The following LOC128462377 variants were observed in gnomAD, a reference collection of about 807,000 sequenced individuals.
the LOC128462377 span, among the ~76,000 whole-genome samples, chr16:89,341,750 T>A: frequency 6.6e-6 from 1 of 152,252 alleles, no homozygotes; most frequent in Non-Finnish European, 1.5e-5. Context: ...GGGTTAACTC[T>A]CTCTGCACAA....
the LOC128462377 span, among the ~76,000 whole-genome samples, chr16:89,334,144 T>TAAAAAAAAAAAAAAAAA: frequency 2.2e-4 from 9 of 41,414 alleles, 2 homozygotes; most frequent in South Asian, 9.5e-4. Context: ...CCCTGTGTTT[T>TAAAAAAAAAAAAAAAAA]AAAAAAAAAA....
chr16:89,324,129 C>A, the LOC128462377 span: 2 of 818,466 alleles, frequency 2.4e-6, no homozygotes, highest in Non-Finnish European at 3.2e-6. Context: ...CACGGCACAA[C>A]GCTCTCTACT....
the LOC128462377 span, among the ~76,000 whole-genome samples, chr16:89,414,475 T>A: frequency 6.6e-6 from 1 of 152,330 alleles, no homozygotes; most frequent in Admixed American, 6.5e-5. Context: ...AAGAAAGATG[T>A]CAGCTTCAAC....
the LOC128462377 span, among the ~76,000 whole-genome samples, chr16:89,403,227 C>T: frequency 6.6e-6 from 1 of 152,324 alleles, no homozygotes; most frequent in Admixed American, 6.5e-5. Flanking sequence ...TTCTGCTTTA[C>T]GGGCACTGAC....
chr16:89,409,618 A>G, the LOC128462377 span, among the ~76,000 whole-genome samples: 10 of 152,228 alleles, frequency 6.6e-5, no homozygotes, highest in African/African-American at 1.9e-4. Flanking sequence ...GTTCCAGGCC[A>G]GTCTGAGCAA....
At chr16:89,323,000 T>A in the LOC128462377 span, 1 of 299,370 alleles carries the variant, frequency 3.3e-6, no homozygotes, top group South Asian at 2.7e-5. Context: ...CGTGGCACCA[T>A]GCCCGGCTAA....
chr16:89,326,378 G>GC, the LOC128462377 span, among the ~76,000 whole-genome samples: 36 of 151,192 alleles, frequency 2.4e-4, no homozygotes, highest in Middle Eastern at 3.4e-3. Flanking sequence ...CGCAGCCACC[G>GC]CCCCCCCCAC....
the LOC128462377 span, among the ~76,000 whole-genome samples, chr16:89,332,379 CTG>C: frequency 6.6e-6 from 1 of 152,234 alleles, no homozygotes; most frequent in Non-Finnish European, 1.5e-5. Flanking sequence ...GAAAGAAACA[CTG>C]AGCCCCCCAA....
chr16:89,404,312 G>A, the LOC128462377 span, among the ~76,000 whole-genome samples: 1 of 152,126 alleles, frequency 6.6e-6, no homozygotes, highest in Non-Finnish European at 1.5e-5. Context: ...ATCAACATCT[G>A]TGTAACTAAG....
the LOC128462377 span, among the ~76,000 whole-genome samples, chr16:89,414,866 A>G: frequency 0.49 from 74,532 of 152,180 alleles, 19,226 homozygotes; most frequent in Middle Eastern, 0.71. Flanking sequence ...AACGGCTCAC[A>G]TTCCACCCCA....
the LOC128462377 span, among the ~76,000 whole-genome samples, chr16:89,338,076 T>G: frequency 6.6e-6 from 1 of 152,286 alleles, no homozygotes; most frequent in African/African-American, 2.4e-5. Flanking sequence ...GCTCTGCCAC[T>G]CAGGAGCCCC....
the LOC128462377 span, among the ~76,000 whole-genome samples, chr16:89,329,810 A>T: frequency 6.6e-6 from 1 of 152,092 alleles, no homozygotes; most frequent in Non-Finnish European, 1.5e-5. Flanking sequence ...GGAGTTCGAA[A>T]CCAGCCTGGC....
the LOC128462377 span, chr16:89,319,931 C>G: frequency 6.6e-6 from 1 of 152,536 alleles, no homozygotes; most frequent in Non-Finnish European, 1.5e-5. Flanking sequence ...GGCCCCCACA[C>G]TGCCCTGTGT....
chr16:89,379,760 T>C, the LOC128462377 span, among the ~76,000 whole-genome samples: 1 of 152,258 alleles, frequency 6.6e-6, no homozygotes, highest in Admixed American at 6.5e-5. Context: ...CACAAAGAAC[T>C]TGGACTGAGT....
chr16:89,355,273 G>A, the LOC128462377 span, among the ~76,000 whole-genome samples: 1 of 151,314 alleles, frequency 6.6e-6, no homozygotes, highest in Non-Finnish European at 1.5e-5. Context: ...GGCGGGCAGA[G>A]GGCTCACACC....
At chr16:89,323,036 T>G in the LOC128462377 span, 1 of 301,000 alleles carries the variant, frequency 3.3e-6, no homozygotes. Flanking sequence ...TGGAGTCGGG[T>G]TTCGCCATGC....
At chr16:89,335,334 A>G in the LOC128462377 span, among the ~76,000 whole-genome samples, 1 of 152,182 alleles carries the variant, frequency 6.6e-6, no homozygotes, top group African/African-American at 2.4e-5. Flanking sequence ...AGTTCCTTCC[A>G]GCACAGGAAC....
chr16:89,380,928 C>A, the LOC128462377 span, among the ~76,000 whole-genome samples: 3 of 152,300 alleles, frequency 2.0e-5, no homozygotes, highest in South Asian at 6.2e-4. Flanking sequence ...AGACGGAGCA[C>A]GCATCCCTGC....
chr16:89,386,347 A>C, the LOC128462377 span, among the ~76,000 whole-genome samples: 5 of 152,184 alleles, frequency 3.3e-5, no homozygotes, highest in East Asian at 1.9e-4. Context: ...AGCACGACCA[A>C]TTCCCAACGT....
Sources: gnomAD v4.1 joint callset for allele counts (sites outside exome capture counted in the v4.1 genomes callset) on GRCh38, gnomAD v4.1.1 for gene constraint, MANE v1.5 for transcripts.